The following PURA variants were observed in gnomAD, a reference collection of about 807,000 sequenced individuals.
PURA encodes the protein transcriptional activator protein Pur-alpha.
In PURA, 2 loss-of-function variants were observed where a neutral mutation model predicts 23.1. The observed-to-expected ratio is 0.09, with a 90% CI of 0.04 to 0.27. The LOEUF (loss-of-function observed/expected upper bound fraction) is 0.27. Ranked by LOEUF, PURA falls within the 10% of genes least tolerant of loss-of-function variation. The pLI, the probability that PURA is intolerant of heterozygous loss-of-function variation, is 1.00. For synonymous variants in PURA, 254 were observed against 205.9 expected (o/e 1.23, Z -2.00); for missense variants, 187 against 449.7 (o/e 0.42, Z 5.28).
At position 140,118,254 on chromosome 5, in the gene PURA, T is replaced by G. The variant is rs1261270901; in HGVS notation, c.*3104T>G. ...GTCTTACAATTAAGGTCCAAGAGCT[T>G]GGTTAAACTGTATTATTTGCCTAAG... On this transcript the variant is annotated 3_prime_UTR_variant, in exon 1 of 1. Coordinates refer to ENST00000331327, the MANE Select transcript of PURA (RefSeq NM_005859.5). The G allele has an allele frequency of 6.0e-6, 1 of 167,046 alleles. No homozygotes were observed. Among genetic ancestry groups the G allele is most frequent in the African/African-American group, 2.4e-5 (1 of 41,462 alleles). 10.3% of individuals were successfully genotyped at this position (167,046 alleles called of 1,614,324 possible). A position where few individuals can be genotyped will look rare whatever the true frequency, so the allele number is the denominator to read the frequency against.
rs559814346 is a variant in PURA, at chr5:140,122,056, C to T, written c.*6906C>T. ...ATAAAGCCAGAGAAAATGGGTCCCT[C>T]ATTGATTATGAGAAAGCTGTTAGTT... On this transcript the variant is annotated 3_prime_UTR_variant, in exon 1 of 1. Coordinates refer to ENST00000331327, the MANE Select transcript of PURA (RefSeq NM_005859.5). 19 of 166,870 alleles carry T rather than the reference C, an allele frequency of 1.1e-4. No homozygotes were observed. The highest frequency in any genetic ancestry group is 4.6e-4 in the African/African-American group (19 of 41,522). The allele number at this position is 166,870 out of a possible 1,614,324, so 10.3% of individuals were successfully genotyped here. A position where few individuals can be genotyped will look rare whatever the true frequency, so the allele number is the denominator to read the frequency against.
rs1384841504 is a variant in PURA at position 140,114,527 on chromosome 5, G to C, written c.346G>C (p.Asp116His). ...VAVEFRDYLG[D>H]FIEHYAQLGP... ...CGTGGAGTTCCGCGACTACCTGGGC[G>C]ACTTCATCGAGCACTACGCGCAGCT... The change falls in exon 1 of 1, where the codon GAC becomes CAC. Residue 116 changes from aspartate (D) to histidine (H), a missense_variant. Around this residue, in one of 9 missense-constraint regions of PURA, gnomAD observed 24 missense variants for 75.2 expected, o/e 0.32. Coordinates refer to ENST00000331327, the MANE Select transcript of PURA (RefSeq NM_005859.5). 1 of 1,607,078 alleles carries C rather than the reference G, an allele frequency of 6.2e-7. No homozygotes were observed.
rs370545019 is a variant in PURA at position 140,114,718 on chromosome 5, C to T, written c.537C>T (p.Gly179=). ...GCCAGACGGTCAACCGGGGGCCTGG[C>T]CTGGGCTCCACGCAGGGCCAGACCA... The part of the protein sequence containing the change: ...RIRQTVNRGP[G]LGSTQGQTIA... The change falls in exon 1 of 1, where the codon GGC becomes GGT. Residue 179 remains glycine (G), a synonymous_variant. Coordinates refer to ENST00000331327, the MANE Select transcript of PURA (RefSeq NM_005859.5). The T allele has an allele frequency of 1.9e-6, 3 of 1,612,822 alleles. No individual in the cohort carries two copies. The highest frequency in any genetic ancestry group is 1.7e-5 in the Admixed American group (1 of 59,926).
Position 140,114,619 on chromosome 5 carries a change from G to A in PURA, c.438G>A (p.Glu146=). The change falls in exon 1 of 1, where the codon GAG becomes GAA. Residue 146 remains glutamate, a synonymous_variant. Coordinates refer to ENST00000331327, the MANE Select transcript of PURA (RefSeq NM_005859.5). ...AGCCGCGCCGGGCGCTCAAAAGCGA[G>A]TTCCTGGTGCGCGAGAACCGCAAGT... The part of the protein sequence containing the change: ...QDEPRRALKS[E]FLVRENRKYY... 1.2e-6 allele frequency: 2 copies of A among 1,608,902 alleles called. No individual in the cohort carries two copies. The highest frequency in any genetic ancestry group is 1.3e-5 in the African/African-American group (1 of 75,004).
chr5:140,114,223 G>T lies in PURA; in HGVS notation c.42G>T (p.Ala14=). ...RDSGSEQGGA[A]LGSGGSLGHP... The stretch of plus-strand genomic sequence containing the variant: ...GCGGCAGCGAGCAGGGTGGTGCGGC[G>T]CTGGGTTCGGGCGGCTCCCTGGGGC... The change falls in exon 1 of 1, where the codon GCG becomes GCT. Residue 14 remains alanine, a synonymous_variant. Coordinates refer to ENST00000331327, the MANE Select transcript of PURA (RefSeq NM_005859.5). 9.4e-7 allele frequency: 1 copy of T among 1,059,626 alleles called. No individual in the cohort carries two copies. The highest frequency in any genetic ancestry group is 1.2e-6 in the Non-Finnish European group (1 of 842,998). 65.6% of individuals were successfully genotyped at this position (1,059,626 alleles called of 1,614,324 possible).
chr5:140,114,559 C>G lies in PURA; in HGVS notation c.378C>G (p.Pro126=). The G allele has an allele frequency of 6.2e-7, 1 of 1,602,148 alleles. No homozygotes were observed. The highest frequency in any genetic ancestry group is 1.1e-5 in the South Asian group (1 of 90,374). ...TCGAGCACTACGCGCAGCTGGGCCCCAGCCAGCCGCCGGACCTGGCCCAGG... is the reference window on the plus strand; with the variant it reads ...TCGAGCACTACGCGCAGCTGGGCCCGAGCCAGCCGCCGGACCTGGCCCAGG... ...DFIEHYAQLG[P]SQPPDLAQAQ... Residue 126 remains proline, a synonymous_variant, in exon 1 of 1, where the codon CCC becomes CCG. Coordinates refer to ENST00000331327, the MANE Select transcript of PURA (RefSeq NM_005859.5).
chr5:140,125,597 CAA>C lies in PURA; in HGVS notation c.*10448_*10449del, dbSNP rs1289908824. 1 of 166,974 alleles carries C rather than the reference CAA, an allele frequency of 6.0e-6. No individual in the cohort carries two copies. The highest frequency in any genetic ancestry group is 2.4e-5 in the African/African-American group (1 of 41,400). 10.3% of individuals were successfully genotyped at this position (166,974 alleles called of 1,614,324 possible). On this transcript the variant is annotated 3_prime_UTR_variant, in exon 1 of 1. Transcript: ENST00000331327. ...GATTTTAGTTTTGTCTGTTGGGAAACAAGATGTCACTAGGGAAAAAAAGATTT... is the reference window on the plus strand; with the variant it reads ...GATTTTAGTTTTGTCTGTTGGGAAACGATGTCACTAGGGAAAAAAAGATTT...
Position 140,116,456 on chromosome 5 carries a change from A to G in PURA, c.*1306A>G. 1.8e-5 allele frequency: 3 copies of G among 167,216 alleles called. No individual in the cohort carries two copies. The allele number at this position is 167,216 out of a possible 1,614,324, so 10.4% of individuals were successfully genotyped here. A position where few individuals can be genotyped will look rare whatever the true frequency, so the allele number is the denominator to read the frequency against. ...GCTGTGGTGCTAGTTATTACTGGCT[A>G]CATTATATGCTAAGTGTATTTGTGT... On this transcript the variant is annotated 3_prime_UTR_variant, in exon 1 of 1. Transcript: ENST00000331327.
At position 140,115,172 on chromosome 5, in the gene PURA, CACACACACACATGCAT is replaced by C; in HGVS notation, c.*34_*49del. The C allele has an allele frequency of 2.2e-6, 3 of 1,367,730 alleles. No homozygotes were observed. Among genetic ancestry groups the C allele is most frequent in the Non-Finnish European group, 3.0e-6 (3 of 1,006,366 alleles). 84.7% of individuals were successfully genotyped at this position (1,367,730 alleles called of 1,614,324 possible). On this transcript the variant is annotated 3_prime_UTR_variant, in exon 1 of 1. Transcript: ENST00000331327. This position sits in a 1 kb window ranked among gnomAD's most constrained non-coding sequence, Gnocchi z 4.1. ...TTGATCAAACTGAATGAAACCCCCACACACACACACATGCATACACACACACACACAGCCACACACA... is the reference window on the plus strand; with the variant it reads ...TTGATCAAACTGAATGAAACCCCCACACACACACACACACAGCCACACACA...
rs1354289596 is a variant in PURA at position 140,118,728 on chromosome 5, C to T, written c.*3578C>T. The T allele has an allele frequency of 6.0e-6, 1 of 166,940 alleles. No homozygotes were observed. Among genetic ancestry groups the T allele is most frequent in the East Asian group, 1.9e-4 (1 of 5,206 alleles). 10.3% of individuals were successfully genotyped at this position (166,940 alleles called of 1,614,324 possible). A position where few individuals can be genotyped will look rare whatever the true frequency, so the allele number is the denominator to read the frequency against. ...CATGGAGAGTAGAAACCAAAACCAACAGGGAAATAAAAAACCTTGAAAGTC... is the reference window on the plus strand; with the variant it reads ...CATGGAGAGTAGAAACCAAAACCAATAGGGAAATAAAAAACCTTGAAAGTC... On this transcript the variant is annotated 3_prime_UTR_variant, in exon 1 of 1. Coordinates refer to ENST00000331327, the MANE Select transcript of PURA (RefSeq NM_005859.5).
Position 140,124,983 on chromosome 5 carries a change from GC to G in PURA, c.*9835del, listed in dbSNP as rs1207499074. On this transcript the variant is annotated 3_prime_UTR_variant, in exon 1 of 1. Coordinates refer to ENST00000331327, the MANE Select transcript of PURA (RefSeq NM_005859.5). The stretch of plus-strand genomic sequence containing the variant: ...GGAAAAGATCAGCAATTTGTCCCTG[GC>G]CTTTTTCGAGGCCATTTTTAGTTTT... 1 of 166,882 alleles carries G rather than the reference GC, an allele frequency of 6.0e-6. No homozygotes were observed. The highest frequency in any genetic ancestry group is 1.5e-5 in the Non-Finnish European group (1 of 68,054). The allele number at this position is 166,882 out of a possible 1,614,324, so 10.3% of individuals were successfully genotyped here. A position where few individuals can be genotyped will look rare whatever the true frequency, so the allele number is the denominator to read the frequency against.
chr5:140,114,545 G>A lies in PURA; in HGVS notation c.364G>A (p.Ala122Thr). Residue 122 changes from alanine (A) to threonine (T), a missense_variant, in exon 1 of 1, where the codon GCG becomes ACG. Physicochemically the swap from Ala to Thr is moderately conservative, Grantham distance 58 (BLOSUM62 0). Around this residue, in one of 9 missense-constraint regions of PURA, gnomAD observed 24 missense variants for 75.2 expected, o/e 0.32. Coordinates refer to ENST00000331327, the MANE Select transcript of PURA (RefSeq NM_005859.5). ...DYLGDFIEHY[A>T]QLGPSQPPDL... Reference sequence around the variant, plus strand: ...CCTGGGCGACTTCATCGAGCACTACGCGCAGCTGGGCCCCAGCCAGCCGCC... The same window carrying A: ...CCTGGGCGACTTCATCGAGCACTACACGCAGCTGGGCCCCAGCCAGCCGCC... The A allele has an allele frequency of 1.2e-6, 2 of 1,602,812 alleles. No individual in the cohort carries two copies. The highest frequency in any genetic ancestry group is 1.7e-6 in the Non-Finnish European group (2 of 1,176,190).
At position 140,116,485 on chromosome 5, in the gene PURA, C is replaced by G. The variant is rs959383171; in HGVS notation, c.*1335C>G. On this transcript the variant is annotated 3_prime_UTR_variant, in exon 1 of 1. Transcript: ENST00000331327. ...TATATGCTAAGTGTATTTGTGTTCC[C>G]CAAGTGTACAAGCCTTCTATCAAAA... The G allele has an allele frequency of 1.2e-5, 2 of 166,886 alleles. No homozygotes were observed. The highest frequency in any genetic ancestry group is 3.8e-4 in the East Asian group (2 of 5,204). 10.3% of individuals were successfully genotyped at this position (166,886 alleles called of 1,614,324 possible).
Position 140,124,871 on chromosome 5 carries a change from C to T in PURA, c.*9721C>T, listed in dbSNP as rs917679503. The T allele has an allele frequency of 2.4e-5, 4 of 166,708 alleles. No homozygotes were observed. The highest frequency in any genetic ancestry group is 4.4e-5 in the Non-Finnish European group (3 of 68,062). The allele number at this position is 166,708 out of a possible 1,614,324, so 10.3% of individuals were successfully genotyped here. A position where few individuals can be genotyped will look rare whatever the true frequency, so the allele number is the denominator to read the frequency against. ...TCGAAAATGAAAAAAATTTAGAAAGCGATTTGATTATTTTTTAATGGAGTT... is the reference window on the plus strand; with the variant it reads ...TCGAAAATGAAAAAAATTTAGAAAGTGATTTGATTATTTTTTAATGGAGTT... On this transcript the variant is annotated 3_prime_UTR_variant, in exon 1 of 1. Transcript: ENST00000331327.
In PURA at chr5:140,114,286, TGGCGGCGGG is replaced by T. The variant is rs761730239; in HGVS notation, c.114_122del (p.Gly40_Gly42del). 4.9e-4 allele frequency: 588 copies of T among 1,203,446 alleles called. No homozygotes were observed. The highest frequency in any genetic ancestry group is 5.8e-4 in the Non-Finnish European group (567 of 984,676). 74.5% of individuals were successfully genotyped at this position (1,203,446 alleles called of 1,614,324 possible). A position where few individuals can be genotyped will look rare whatever the true frequency, so the allele number is the denominator to read the frequency against. Reference sequence around the variant, plus strand: ...GCTCAGGCTCCGGCGGGGGCGGTGGTGGCGGCGGGGGCGGCGGCGGCAGTGGCGGCGGCG... The same window carrying T: ...GCTCAGGCTCCGGCGGGGGCGGTGGTGGCGGCGGCGGCAGTGGCGGCGGCG... On this transcript the variant is annotated inframe_deletion, in exon 1 of 1. Transcript: ENST00000331327.
chr5:140,121,779 G>C lies in PURA; in HGVS notation c.*6629G>C, dbSNP rs1763155788. The C allele has an allele frequency of 6.0e-6, 1 of 166,878 alleles. No individual in the cohort carries two copies. Among genetic ancestry groups the C allele is most frequent in the South Asian group, 2.1e-4 (1 of 4,832 alleles). 10.3% of individuals were successfully genotyped at this position (166,878 alleles called of 1,614,324 possible). On this transcript the variant is annotated 3_prime_UTR_variant, in exon 1 of 1. Coordinates refer to ENST00000331327, the MANE Select transcript of PURA (RefSeq NM_005859.5). Reference sequence around the variant, plus strand: ...ATTAATGTTAAGAAACTTGTGAACTGAAGAGAGTAAGAAGTATGTGTATTT... The same window carrying C: ...ATTAATGTTAAGAAACTTGTGAACTCAAGAGAGTAAGAAGTATGTGTATTT...
rs746119626 is a variant in PURA at position 140,114,712 on chromosome 5, G to C, written c.531G>C (p.Gly177=). 1 of 1,612,848 alleles carries C rather than the reference G, an allele frequency of 6.2e-7. No individual in the cohort carries two copies. Among genetic ancestry groups the C allele is most frequent in the Non-Finnish European group, 8.5e-7 (1 of 1,179,754 alleles). ...GCATCCGCCAGACGGTCAACCGGGG[G>C]CCTGGCCTGGGCTCCACGCAGGGCC... ...FLRIRQTVNR[G]PGLGSTQGQT... Residue 177 remains glycine, a synonymous_variant, in exon 1 of 1, where the codon GGG becomes GGC. Transcript: ENST00000331327.
Position 140,122,049 on chromosome 5 carries a change from G to C in PURA, c.*6899G>C, listed in dbSNP as rs1244816125. Reference sequence around the variant, plus strand: ...AGTTTCAATAAAGCCAGAGAAAATGGGTCCCTCATTGATTATGAGAAAGCT... The same window carrying C: ...AGTTTCAATAAAGCCAGAGAAAATGCGTCCCTCATTGATTATGAGAAAGCT... On this transcript the variant is annotated 3_prime_UTR_variant, in exon 1 of 1. Coordinates refer to ENST00000331327, the MANE Select transcript of PURA (RefSeq NM_005859.5). 1 of 166,704 alleles carries C rather than the reference G, an allele frequency of 6.0e-6. No homozygotes were observed. Among genetic ancestry groups the C allele is most frequent in the African/African-American group, 2.4e-5 (1 of 41,388 alleles). The allele number at this position is 166,704 out of a possible 1,614,324, so 10.3% of individuals were successfully genotyped here.
rs199790744 is a variant in PURA at position 140,116,819 on chromosome 5, TAAAAA to T, written c.*1686_*1690del. On this transcript the variant is annotated 3_prime_UTR_variant, in exon 1 of 1. Transcript: ENST00000331327. The stretch of plus-strand genomic sequence containing the variant: ...TGGAATTCTGTAGAAAGTATTTTGG[TAAAAA>T]AAAAAAAAAAAAAAAAGGGTCTTGT... 5.2e-5 allele frequency: 5 copies of T among 96,988 alleles called. No individual in the cohort carries two copies. The highest frequency in any genetic ancestry group is 2.7e-4 in the East Asian group (1 of 3,680). The allele number at this position is 96,988 out of a possible 1,614,324, so 6.0% of individuals were successfully genotyped here.
Sources: allele counts gnomAD v4.1 joint callset, GRCh38; gene constraint gnomAD v4.1.1; regional missense constraint gnomAD v4.1.1; non-coding constraint Gnocchi (gnomAD v3.1); transcripts MANE v1.5; gene names NCBI Gene and HGNC (gene_info 2026-07-23, HGNC 2026-07-21).